MPP4: variants seen among roughly 807,000 people sequenced by gnomAD.
MPP4 encodes the protein MAGUK p55 subfamily member 4.
Under a neutral mutation model 98.3 loss-of-function variants are expected in MPP4, and 91 were observed. That is an observed-to-expected ratio of 0.93 (90% CI 0.78 to 1.10). The LOEUF (loss-of-function observed/expected upper bound fraction) is 1.10. Among genes scored for constraint, MPP4 ranks in the 50% least tolerant of loss-of-function variants. The pLI is 0.00. For missense variants in MPP4, 744 were observed against 792.9 expected, an observed-to-expected ratio of 0.94 and a Z score of 0.74; for synonymous variants, 261 against 271.8, an observed-to-expected ratio of 0.96 and a Z score of 0.39.
intron 1 of MPP4, 89 bp from the exon 2 acceptor site, chr2:201,694,143 C>T: frequency 7.8e-7 from 1 of 1,278,116 alleles, no homozygotes; most frequent in South Asian, 1.6e-5. Flanking sequence ...CAGTCTTCCC[C>T]TGTGGTGCCT....
intron 8 of MPP4, among the ~76,000 whole-genome samples, chr2:201,682,168 C>T (rs959512165): frequency 6.6e-6 from 1 of 152,136 alleles, no homozygotes; most frequent in African/African-American, 2.4e-5. Flanking sequence ...CCCACTGTCC[C>T]GGCAACATCA....
chr2:201,650,650 T>C, intron 18 of MPP4: 2 of 985,396 alleles, frequency 2.0e-6, no homozygotes, highest in Non-Finnish European at 2.4e-6. Flanking sequence ...ATAAGACTGA[T>C]GAAAAGCGAA....
chr2:201,652,443 A>C (rs1687738743), intron 18 of MPP4, among the ~76,000 whole-genome samples: 1 of 152,222 alleles, frequency 6.6e-6, no homozygotes, highest in Non-Finnish European at 1.5e-5. Flanking sequence ...TGGGCGACAG[A>C]GCAAGACTCC....
chr2:201,653,570 T>C lies in MPP4; in HGVS notation c.1381+1267A>G, dbSNP rs568754177. ...GCATCTTAGTGCCTCAGTCAAAATT[T>C]TAACTTTCTTTTACACATATTAGAA... is the stretch of plus-strand genomic sequence containing the variant. On this transcript the variant is annotated intron_variant, in intron 18 of 21. Transcript: ENST00000409474. Among the ~76,000 whole-genome samples, 4 of 152,352 alleles carry C rather than the reference T, an allele frequency of 2.6e-5. No homozygotes were observed. The East Asian group carries it at 7.7e-4, about 29-fold the overall frequency.
At chr2:201,657,617 T>TTTTTTTTTTC in intron 16 of MPP4, among the ~76,000 whole-genome samples, 1 of 148,842 alleles carries the variant, frequency 6.7e-6, no homozygotes, top group Non-Finnish European at 1.5e-5. Context: ...TTGTTTTTTT[T>TTTTTTTTTTC]TGCTTATTGT....
At chr2:201,669,167 G>A (rs1002732463) in intron 12 of MPP4, among the ~76,000 whole-genome samples, 1 of 151,242 alleles carries the variant, frequency 6.6e-6, no homozygotes, top group Non-Finnish European at 1.5e-5. Flanking sequence ...CATCCAGATG[G>A]TTGGGCATGG....
At chr2:201,662,363 T>A (rs1688052670) in intron 14 of MPP4, among the ~76,000 whole-genome samples, 1 of 150,608 alleles carries the variant, frequency 6.6e-6, no homozygotes, top group Admixed American at 6.6e-5. Context: ...TAGCTGGGTG[T>A]TGTGGTGCAC....
chr2:201,681,595 A>T (rs761342111), intron 8 of MPP4, 28 bp from the exon 9 acceptor site: 3 of 1,583,380 alleles, frequency 1.9e-6, no homozygotes, highest in South Asian at 2.2e-5. Flanking sequence ...AGAAAGGATG[A>T]CAATCATGGA....
At chr2:201,658,949 T>C (rs1687935364) in intron 15 of MPP4, among the ~76,000 whole-genome samples, 1 of 152,118 alleles carries the variant, frequency 6.6e-6, no homozygotes, top group Non-Finnish European at 1.5e-5. Context: ...CACTCTGGAG[T>C]GCAATGGCAC....
chr2:201,657,445 C>T (rs1174102197), intron 16 of MPP4, among the ~76,000 whole-genome samples: 6 of 152,040 alleles, frequency 3.9e-5, no homozygotes, highest in South Asian at 2.1e-4. Context: ...ATGCACATTT[C>T]GATCTATATT....
Position 201,649,644 on chromosome 2 carries a change from T to G in MPP4, c.1516A>C (p.Thr506Pro). The G allele has an allele frequency of 6.2e-7, 1 of 1,611,130 alleles. No homozygotes were observed. The change falls in exon 20 of 22, where the codon ACT becomes CCT. Residue 506 changes from threonine to proline, a missense_variant. Coordinates refer to ENST00000409474, the MANE Select transcript of MPP4 (RefSeq NM_033066.3). ...ACTGTTTGAACAGCATCCACACTAG[T>G]GCCATACAGGTGGCCTTTGTACTCA... ...YGEYKGHLYG[T>P]SVDAVQTVLV...
intron 11 of MPP4, 55 bp from the exon 12 acceptor site, chr2:201,669,805 A>G (rs2105928081): frequency 7.9e-7 from 1 of 1,268,534 alleles, no homozygotes; most frequent in Non-Finnish European, 1.0e-6. Flanking sequence ...CAGTATCTGT[A>G]CTATATTTTC....
At chr2:201,648,439 C>G (rs1015186031) in intron 20 of MPP4, among the ~76,000 whole-genome samples, 5 of 152,288 alleles carry the variant, frequency 3.3e-5, no homozygotes, top group East Asian at 3.9e-4. Context: ...CTCAACTCCT[C>G]AATTCTAAAA....
At chr2:201,647,884 C>T in intron 20 of MPP4, 59 bp from the exon 21 acceptor site, 1 of 1,506,136 alleles carries the variant, frequency 6.6e-7, no homozygotes, top group Non-Finnish European at 9.0e-7. Flanking sequence ...GAGACATGGT[C>T]TTGCTCTGTC....
rs550450366 is a variant in MPP4, at chr2:201,685,153, G to A, written c.493-8C>T. 2 of 1,604,486 alleles carry A rather than the reference G, an allele frequency of 1.2e-6. No individual in the cohort carries two copies. The highest frequency in any genetic ancestry group is 1.7e-5 in the Admixed American group (1 of 59,064). ...GCGCTTGATGGTGGCTCCCTGAAGA[G>A]AGAATAGACGAGATCCCTCTGTTAC... On this transcript the variant is annotated splice_polypyrimidine_tract_variant and splice_region_variant and intron_variant, in intron 6 of 21. Transcript: ENST00000409474.
At chr2:201,664,427 C>T (rs1688110637) in intron 13 of MPP4, 2 of 1,205,308 alleles carry the variant, frequency 1.7e-6, no homozygotes, top group Non-Finnish European at 2.2e-6. Context: ...AGGGAAATCC[C>T]TAGAGACTGT....
chr2:201,690,910 A>C (rs1688998337), intron 3 of MPP4, among the ~76,000 whole-genome samples: 1 of 152,330 alleles, frequency 6.6e-6, no homozygotes, highest in East Asian at 1.9e-4. Flanking sequence ...GGCTGAGGAC[A>C]CCAAAGCCTG....
chr2:201,661,598 A>G (rs1268977617), intron 14 of MPP4: 1 of 455,944 alleles, frequency 2.2e-6, no homozygotes, highest in African/African-American at 2.0e-5. Flanking sequence ...TGACTCCCCC[A>G]AGGAACAAGA....
chr2:201,686,206 G>A (rs149248239), intron 5 of MPP4, among the ~76,000 whole-genome samples, 156 bp from the exon 6 acceptor site: 2 of 152,240 alleles, frequency 1.3e-5, no homozygotes, highest in African/African-American at 4.8e-5. Context: ...GAATTAATCC[G>A]ATCTTCACAA....
Sources: gnomAD v4.1 joint callset for allele counts (sites outside exome capture counted in the v4.1 genomes callset) on GRCh38, gnomAD v4.1.1 for gene constraint, MANE v1.5 for transcripts, NCBI Gene and HGNC (gene_info 2026-07-23, HGNC 2026-07-21) for gene names.